FBXO24: variants seen among roughly 807,000 people sequenced by gnomAD.
The protein encoded by FBXO24 is F-box protein 24, also known as F-box only protein 24.
FBXO24 carries 30 observed loss-of-function variants against 63.5 expected under a neutral mutation model. The ratio of observed to expected loss-of-function variants is 0.47; its 90% CI spans 0.35 to 0.64. The LOEUF (loss-of-function observed/expected upper bound fraction) is 0.64, where lower values mean the gene tolerates loss of function less well. FBXO24 is among the 30% of genes least tolerant of loss of function. FBXO24 has a pLI of 0.00. For synonymous variants in FBXO24, 300 were observed against 305.0 expected (o/e 0.98, Z 0.17); for missense variants, 624 against 763.4 (o/e 0.82, Z 2.15).
chr7:100,600,279 G>A lies in FBXO24; in HGVS notation c.1377+78G>A. The A allele has an allele frequency of 6.9e-7, 1 of 1,443,472 alleles. No homozygotes were observed. Among genetic ancestry groups the A allele is most frequent in the Non-Finnish European group, 9.2e-7 (1 of 1,091,656 alleles). The allele number at this position is 1,443,472 out of a possible 1,614,324, so 89.4% of individuals were successfully genotyped here. A position where few individuals can be genotyped will look rare whatever the true frequency, so the allele number is the denominator to read the frequency against. On this transcript the variant is annotated intron_variant, in intron 9 of 9. Coordinates refer to ENST00000241071, the MANE Select transcript of FBXO24 (RefSeq NM_033506.3). This position sits in a 1 kb window ranked among gnomAD's most constrained non-coding sequence, Gnocchi z 6.3. ...CAGGAAGCCCACAGGCTGTAGCTGG[G>A]GCTCCTGCAGGGACCCAGGGGGTCC...
chr7:100,597,505 C>T (rs1802368244), intron 8 of FBXO24, among the ~76,000 whole-genome samples: 1 of 151,974 alleles, frequency 6.6e-6, no homozygotes, highest in East Asian at 1.9e-4. Flanking sequence ...TCAAGTGATT[C>T]TCCTGCCTCA....
chr7:100,591,635 C>T (rs1320889048), intron 3 of FBXO24, 32 bp from the exon 4 acceptor site: 3 of 1,601,192 alleles, frequency 1.9e-6, no homozygotes, highest in Non-Finnish European at 2.6e-6. Flanking sequence ...TCATCTCATC[C>T]CTTGAACCTT....
At position 100,586,546 on chromosome 7, in the gene FBXO24, T is replaced by G. The variant is rs1423997173; in HGVS notation, c.-80T>G. 6.9e-7 allele frequency: 1 copy of G among 1,451,102 alleles called. No homozygotes were observed. The highest frequency in any genetic ancestry group is 9.7e-7 in the Non-Finnish European group (1 of 1,033,970). The allele number at this position is 1,451,102 out of a possible 1,614,324, so 89.9% of individuals were successfully genotyped here. A position where few individuals can be genotyped will look rare whatever the true frequency, so the allele number is the denominator to read the frequency against. Reference sequence around the variant, plus strand: ...CGTAAGCCAGATACAGGCGAGTGACTGTCAAGAAGGCCAATTAGAGCCTCC... The same window carrying G: ...CGTAAGCCAGATACAGGCGAGTGACGGTCAAGAAGGCCAATTAGAGCCTCC... On this transcript the variant is annotated 5_prime_UTR_variant, in exon 1 of 10. Transcript: ENST00000241071.
chr7:100,589,532 A>G, intron 1 of FBXO24: 2 of 1,395,194 alleles, frequency 1.4e-6, no homozygotes, highest in Non-Finnish European at 1.9e-6. Context: ...AACAGGTCAC[A>G]GTGGCCAAAC....
chr7:100,591,860 G>T lies in FBXO24; in HGVS notation c.516G>T (p.Lys172Asn). Residue 172 changes from lysine (K) to asparagine (N), a missense_variant, in exon 4 of 10, where the codon AAG (lysine) becomes AAT (asparagine). By Grantham distance (94) the Lys-to-Asn change is moderately conservative (BLOSUM62 0). This residue lies in a region of FBXO24 where 391 missense variants were observed against 469.1 expected (regional missense o/e 0.83). Transcript: ENST00000241071. ...CCACCCTCGGCCAGATGCAGTGGAA[G>T]CGGGCCTGTCGCTATGTTGTGTTGT... Reference protein sequence around the residue: ...LVSTLGQMQWKRACRYVVLCR... With the variant: ...LVSTLGQMQWNRACRYVVLCR... 6.2e-7 allele frequency: 1 copy of T among 1,614,238 alleles called. No homozygotes were observed.
In FBXO24 at chr7:100,600,164, C is replaced by A; in HGVS notation, c.1340C>A (p.Pro447His). The change falls in exon 9 of 10, where the codon CCC becomes CAC. Residue 447 changes from proline to histidine, a missense_variant. Transcript: ENST00000241071. The surrounding 1 kb of genome is among the most constrained non-coding windows in gnomAD (Gnocchi z 6.3). Reference protein sequence around the residue: ...CGAGGRLPGWPKGSASFVKLQ... With the variant: ...CGAGGRLPGWHKGSASFVKLQ... ...GCTGGGGGCCGCCTCCCAGGCTGGC[C>A]CAAGGGGAGTGCCTCCTTCGTCAAG... The A allele has an allele frequency of 6.3e-7, 1 of 1,584,670 alleles. No individual in the cohort carries two copies. Among genetic ancestry groups the A allele is most frequent in the Non-Finnish European group, 8.6e-7 (1 of 1,165,530 alleles).
At chr7:100,587,004 G>A (rs1801791549) in intron 1 of FBXO24, among the ~76,000 whole-genome samples, 1 of 152,230 alleles carries the variant, frequency 6.6e-6, no homozygotes, top group African/African-American at 2.4e-5. Flanking sequence ...TCTCACCCGA[G>A]GAGCTCCCCT....
At position 100,590,303 on chromosome 7, in the gene FBXO24, C is replaced by T. The variant is rs1425630525; in HGVS notation, c.268C>T (p.Leu90Phe). The part of the protein sequence containing the change: ...RRICRRLSPR[L>F]QDQGSGVRPW... The stretch of plus-strand genomic sequence containing the variant: ...CATCTGTCGCAGACTCAGTCCGCGC[C>T]TCCAAGATCAGGGTTCTGGAGTCCG... The change falls in exon 3 of 10, where the codon CTC becomes TTC. Residue 90 changes from leucine to phenylalanine, a missense_variant. By Grantham distance (22) the Leu-to-Phe change is conservative. This residue lies in a region of FBXO24 where 391 missense variants were observed against 469.1 expected (regional missense o/e 0.83). Transcript: ENST00000241071. 4 of 1,614,160 alleles carry T rather than the reference C, an allele frequency of 2.5e-6. No individual in the cohort carries two copies. The highest frequency in any genetic ancestry group is 1.6e-4 in the Middle Eastern group (1 of 6,062).
chr7:100,601,065 C>T lies in FBXO24; in HGVS notation c.*166C>T. On this transcript the variant is annotated 3_prime_UTR_variant, in exon 10 of 10. Transcript: ENST00000241071. ...GGGGCTGCCCAGGAGGGGCCCCCAA[C>T]CTGACTATCATGGACAAGAGATTTG... The T allele has an allele frequency of 2.3e-6, 2 of 885,426 alleles. No individual in the cohort carries two copies. The highest frequency in any genetic ancestry group is 3.6e-5 in the South Asian group (2 of 54,962). The allele number at this position is 885,426 out of a possible 1,614,324, so 54.8% of individuals were successfully genotyped here.
chr7:100,586,552 G>C lies in FBXO24; in HGVS notation c.-74G>C. The C allele has an allele frequency of 3.3e-6, 5 of 1,509,260 alleles. No homozygotes were observed. The highest frequency in any genetic ancestry group is 4.6e-6 in the Non-Finnish European group (5 of 1,086,172). The allele number at this position is 1,509,260 out of a possible 1,614,324, so 93.5% of individuals were successfully genotyped here. A position where few individuals can be genotyped will look rare whatever the true frequency, so the allele number is the denominator to read the frequency against. On this transcript the variant is annotated 5_prime_UTR_variant, in exon 1 of 10. Coordinates refer to ENST00000241071, the MANE Select transcript of FBXO24 (RefSeq NM_033506.3). The stretch of plus-strand genomic sequence containing the variant: ...CCAGATACAGGCGAGTGACTGTCAA[G>C]AAGGCCAATTAGAGCCTCCGAAGGG...
chr7:100,592,798 A>G lies in FBXO24; in HGVS notation c.574A>G (p.Arg192Gly). The change falls in exon 5 of 10, where the codon AGG becomes GGG. Residue 192 changes from arginine to glycine, a missense_variant. This residue lies in a region of FBXO24 where 391 missense variants were observed against 469.1 expected (regional missense o/e 0.83). Coordinates refer to ENST00000241071, the MANE Select transcript of FBXO24 (RefSeq NM_033506.3). Reference protein sequence around the residue: ...RGAKDFASDPRCDTVYRKYLY... With the variant: ...RGAKDFASDPGCDTVYRKYLY... ...TTTCCCCCAGTTTGCCTCGGACCCAAGGTGTGACACAGTTTACCGTAAATA... is the reference window on the plus strand; with the variant it reads ...TTTCCCCCAGTTTGCCTCGGACCCAGGGTGTGACACAGTTTACCGTAAATA... 1 of 1,613,934 alleles carries G rather than the reference A, an allele frequency of 6.2e-7. No homozygotes were observed. Among genetic ancestry groups the G allele is most frequent in the Non-Finnish European group, 8.5e-7 (1 of 1,179,934 alleles).
intron 1 of FBXO24, chr7:100,589,665 CGGGG>C: frequency 1.3e-6 from 2 of 1,505,982 alleles, no homozygotes; most frequent in South Asian, 2.5e-5. Context: ...CCAGCAGGAA[CGGGG>C]GGGCCAAGGG....
At chr7:100,590,457 C>T in intron 3 of FBXO24, 100 bp downstream of exon 3, 1 of 1,225,718 alleles carries the variant, frequency 8.2e-7, no homozygotes, top group South Asian at 1.5e-5. Context: ...CCCAACAGTG[C>T]TTCCAGGGCC....
At chr7:100,589,798 G>A in intron 1 of FBXO24, 179 bp from the exon 2 acceptor site, 1 of 1,523,574 alleles carries the variant, frequency 6.6e-7, no homozygotes, top group Non-Finnish European at 8.8e-7. Context: ...CTCCGGGTGA[G>A]GGGGATTGGC....
At chr7:100,586,685 T>G in intron 1 of FBXO24, 21 bp downstream of exon 1, 1 of 1,613,960 alleles carries the variant, frequency 6.2e-7, no homozygotes, top group Middle Eastern at 1.7e-4. Flanking sequence ...ACTTTAAGAC[T>G]GAGGTTAAGA....
intron 4 of FBXO24, chr7:100,592,336 G>T: frequency 4.0e-6 from 1 of 247,544 alleles, no homozygotes; most frequent in South Asian, 5.0e-5. Flanking sequence ...CCACATGACT[G>T]GGGAGGCCTC....
At chr7:100,589,805 T>C in intron 1 of FBXO24, 172 bp from the exon 2 acceptor site, 1 of 1,514,824 alleles carries the variant, frequency 6.6e-7, no homozygotes. Flanking sequence ...TGAGGGGGAT[T>C]GGCCGCAGGA....
chr7:100,590,127 C>A, intron 2 of FBXO24, 47 bp from the exon 3 acceptor site: 1 of 1,607,338 alleles, frequency 6.2e-7, no homozygotes, highest in Non-Finnish European at 8.5e-7. Context: ...GGCCAGATCA[C>A]CGAGGGGCCA....
At chr7:100,599,743 T>G (rs1584435592) in intron 8 of FBXO24, 2 of 403,180 alleles carry the variant, frequency 5.0e-6, no homozygotes. Flanking sequence ...CATAGACGGG[T>G]GGGCTGAGAA....
Sources: gnomAD v4.1 joint callset for allele counts (sites outside exome capture counted in the v4.1 genomes callset) on GRCh38, gnomAD v4.1.1 for gene constraint, gnomAD v4.1.1 regional missense constraint, Gnocchi (gnomAD v3.1) non-coding constraint, MANE v1.5 for transcripts, NCBI Gene and HGNC (gene_info 2026-07-23, HGNC 2026-07-21) for gene names.